The following ZER1 variants were observed in gnomAD, a reference collection of about 807,000 sequenced individuals.
ZER1 encodes protein zer-1 homolog.
ZER1 carries 11 observed loss-of-function variants against 78.8 expected under a neutral mutation model. That is an observed-to-expected ratio of 0.14 (90% confidence interval 0.09 to 0.23). The LOEUF is 0.23. Among genes scored for constraint, ZER1 ranks in the 10% least tolerant of loss-of-function variants. ZER1 has a pLI of 1.00. For missense variants in ZER1, 588 were observed against 996.9 expected (o/e 0.59, Z 5.52); for synonymous variants, 400 against 407.0 (o/e 0.98, Z 0.21).
chr9:128,751,345 C>T lies in ZER1; in HGVS notation c.1038+68G>A, dbSNP rs2132443198. The T allele has an allele frequency of 1.9e-6, 3 of 1,610,646 alleles. No homozygotes were observed. Among genetic ancestry groups the T allele is most frequent in the Non-Finnish European group, 2.5e-6 (3 of 1,177,344 alleles). On this transcript the variant is annotated intron_variant, in intron 6 of 15. Transcript: ENST00000291900. This position sits in a 1 kb window ranked among gnomAD's most constrained non-coding sequence, Gnocchi z 5.4. The stretch of plus-strand genomic sequence containing the variant: ...GCCAGATCCCAGCTCAGTCTCCAGC[C>T]CCAGAATCCAGCTCCTTCTCTCTCC...
At chr9:128,762,078 T>C (rs1468136067) in intron 1 of ZER1, among the ~76,000 whole-genome samples, 1 of 152,072 alleles carries the variant, frequency 6.6e-6, no homozygotes, top group Admixed American at 6.6e-5. Context: ...CACAAATTTG[T>C]AAACTTTCTT....
Position 128,740,995 on chromosome 9 carries a change from AAG to A in ZER1, c.1738-110_1738-109del, listed in dbSNP as rs764464411. The stretch of plus-strand genomic sequence containing the variant: ...GGCATCTGGCCATGCCAACTAGACA[AAG>A]AGGGGGCATATATGCTGCCCTCCTA... On this transcript the variant is annotated intron_variant, in intron 11 of 15. Coordinates refer to ENST00000291900, the MANE Select transcript of ZER1 (RefSeq NM_006336.4). This position sits in a 1 kb window ranked among gnomAD's most constrained non-coding sequence, Gnocchi z 4.4. The A allele has an allele frequency of 3.4e-4, 233 of 685,126 alleles. No homozygotes were observed. Among genetic ancestry groups the A allele is most frequent in the Non-Finnish European group, 5.7e-4 (210 of 370,962 alleles). The allele number at this position is 685,126 out of a possible 1,614,324, so 42.4% of individuals were successfully genotyped here.
rs759964311 is a variant in ZER1, at chr9:128,751,443, C to G, written c.1008G>C (p.Leu336=). The change falls in exon 6 of 16, where the codon CTG becomes CTC. Residue 336 remains leucine, a synonymous_variant. Coordinates refer to ENST00000291900, the MANE Select transcript of ZER1 (RefSeq NM_006336.4). This position sits in a 1 kb window ranked among gnomAD's most constrained non-coding sequence, Gnocchi z 5.4. The part of the protein sequence containing the change: ...LQFLGLFENS[L]CRLTHIPAYK... The stretch of plus-strand genomic sequence containing the variant: ...AGGCTGGAATGTGCGTGAGGCGGCA[C>G]AGAGAGTTCTCAAAGAGCCCGAGGA... 2 of 1,614,144 alleles carry G rather than the reference C, an allele frequency of 1.2e-6. No homozygotes were observed. Among genetic ancestry groups the G allele is most frequent in the Admixed American group, 1.7e-5 (1 of 60,022 alleles).
intron 1 of ZER1, among the ~76,000 whole-genome samples, chr9:128,761,177 G>C (rs995812141): frequency 1.3e-5 from 2 of 151,420 alleles, no homozygotes; most frequent in African/African-American, 2.4e-5. Flanking sequence ...AAAAAAGGGA[G>C]GGGGGGATAA....
Position 128,751,629 on chromosome 9 carries a change from C to T in ZER1, c.924-102G>A. On this transcript the variant is annotated intron_variant, in intron 5 of 15. Transcript: ENST00000291900. This position sits in a 1 kb window ranked among gnomAD's most constrained non-coding sequence, Gnocchi z 5.4. ...CATTTCCTTGCTTTCTCTTCTAGGC[C>T]CTCCAACCTCATCCCCTACTCCTTT... The T allele has an allele frequency of 1.1e-6, 1 of 894,248 alleles. No homozygotes were observed. The highest frequency in any genetic ancestry group is 1.8e-6 in the Non-Finnish European group (1 of 564,738). 55.4% of individuals were successfully genotyped at this position (894,248 alleles called of 1,614,324 possible).
intron 1 of ZER1, among the ~76,000 whole-genome samples, chr9:128,768,646 C>A (rs1049476101): frequency 3.0e-4 from 46 of 152,286 alleles, no homozygotes; most frequent in African/African-American, 1.1e-3. Flanking sequence ...TTTTCAAATT[C>A]TCTGGCCCAG....
chr9:128,750,665 T>C lies in ZER1; in HGVS notation c.1310A>G (p.Gln437Arg), dbSNP rs373713229. 6 of 1,614,100 alleles carry C rather than the reference T, an allele frequency of 3.7e-6. No homozygotes were observed. The highest frequency in any genetic ancestry group is 4.2e-6 in the Non-Finnish European group (5 of 1,180,034). Residue 437 changes from glutamine to arginine, a missense_variant, in exon 8 of 16, where the codon CAG (glutamine) becomes CGG (arginine). By Grantham distance (43) the Gln-to-Arg change is conservative. Transcript: ENST00000291900. ...RSEQSVKLRRQVIQVVLNGME... is the reference protein window; with the variant it reads ...RSEQSVKLRRRVIQVVLNGME... ...GCCATTCAGCACCACCTGGATAACC[T>C]GCCGGCGCAGCTTCACACTCTGCTC...
At chr9:128,759,712 G>A (rs1480863914) in intron 1 of ZER1, among the ~76,000 whole-genome samples, 1 of 151,878 alleles carries the variant, frequency 6.6e-6, no homozygotes, top group African/African-American at 2.4e-5. Context: ...GGAGAATGGC[G>A]TGAACCCAGG....
Position 128,754,540 on chromosome 9 carries a change from A to T in ZER1, c.159-581T>A, listed in dbSNP as rs1863794752. Among the ~76,000 whole-genome samples the T allele has an allele frequency of 6.6e-6, 1 of 152,192 alleles. No individual in the cohort carries two copies. The highest frequency in any genetic ancestry group is 1.5e-5 in the Non-Finnish European group (1 of 68,034). On this transcript the variant is annotated intron_variant, in intron 2 of 15. Transcript: ENST00000291900. This position sits in a 1 kb window ranked among gnomAD's most constrained non-coding sequence, Gnocchi z 4.3. ...CAGTTTCTTCATCTGTAAAGTGGAT[A>T]TAACTATGGCCTGCAAAGTGTCCAA... is the stretch of plus-strand genomic sequence containing the variant.
intron 8 of ZER1, among the ~76,000 whole-genome samples, chr9:128,744,483 C>CTTTT (rs745822457): frequency 1.5e-5 from 2 of 135,448 alleles, no homozygotes; most frequent in African/African-American, 5.4e-5. Context: ...CGTGCAGGGC[C>CTTTT]TTTTTTTTTT....
rs1863660977 is a variant in ZER1, at chr9:128,751,084, G to A, written c.1185+38C>T. 2 of 1,554,042 alleles carry A rather than the reference G, an allele frequency of 1.3e-6. No homozygotes were observed. The stretch of plus-strand genomic sequence containing the variant: ...CCAAGCCCGGCAACCTCCAGGTGGG[G>A]AGGGACAGGAGGCCAAGGCCCCAGG... On this transcript the variant is annotated intron_variant, in intron 7 of 15. Coordinates refer to ENST00000291900, the MANE Select transcript of ZER1 (RefSeq NM_006336.4). The surrounding 1 kb of genome is among the most constrained non-coding windows in gnomAD (Gnocchi z 5.4).
In ZER1 at chr9:128,745,199, G is replaced by GTTT. The variant is rs570009551; in HGVS notation, c.1360-2457_1360-2455dup. Among the ~76,000 whole-genome samples the GTTT allele has an allele frequency of 6.6e-4, 85 of 128,488 alleles. 1 individual carries two copies. The highest frequency in any genetic ancestry group is 2.1e-3 in the African/African-American group (70 of 32,944). 84.3% of individuals were successfully genotyped at this position (128,488 alleles called of 152,430 possible). ...TTTATTTGCTTATTGATTTGTTTGG[G>GTTT]TTTTTTTTTTTTTTTTTTTGAGACA... On this transcript the variant is annotated intron_variant, in intron 8 of 15. Transcript: ENST00000291900.
chr9:128,737,303 G>A (rs542380508), intron 13 of ZER1, among the ~76,000 whole-genome samples: 46 of 152,166 alleles, frequency 3.0e-4, no homozygotes, highest in Admixed American at 4.6e-4. Context: ...CTCTTCTGAC[G>A]AGGGCCTTCT....
At chr9:128,758,121 G>GT (rs1166926419) in intron 1 of ZER1, among the ~76,000 whole-genome samples, 5,499 of 137,406 alleles carry the variant, frequency 0.04, 109 homozygotes, top group Non-Finnish European at 0.054. Flanking sequence ...TTTAGTTTAG[G>GT]TTTTTTTTTT....
chr9:128,741,687 C>T, intron 10 of ZER1, 33 bp from the exon 11 acceptor site: 2 of 1,614,048 alleles, frequency 1.2e-6, no homozygotes, highest in Non-Finnish European at 1.7e-6. Context: ...AGCCAAGGCT[C>T]CTGGTACCCG....
intron 1 of ZER1, among the ~76,000 whole-genome samples, chr9:128,757,651 A>G (rs1863900595): frequency 6.6e-6 from 1 of 152,186 alleles, no homozygotes; most frequent in African/African-American, 2.4e-5. Context: ...CCACAATGAG[A>G]TGCCATTTTC....
chr9:128,755,314 T>C lies in ZER1; in HGVS notation c.158+94A>G. ...ACACACCCTCACACATTCATCTCCATAGCTACTCCCCACATAGTGCACACA... is the reference window on the plus strand; with the variant it reads ...ACACACCCTCACACATTCATCTCCACAGCTACTCCCCACATAGTGCACACA... On this transcript the variant is annotated intron_variant, in intron 2 of 15. Transcript: ENST00000291900. The surrounding 1 kb of genome is among the most constrained non-coding windows in gnomAD (Gnocchi z 5.6). The C allele has an allele frequency of 1.3e-6, 2 of 1,533,812 alleles. No individual in the cohort carries two copies. The highest frequency in any genetic ancestry group is 2.3e-5 in the East Asian group (1 of 43,962).
rs566416272 is a variant in ZER1 at position 128,758,315 on chromosome 9, C to T, written c.-94-2656G>A. ...TTGTATTTTTTTCTTTTAGTAGAGACAGGGTTATCCATGTTGGCCAGGCTG... is the reference window on the plus strand; with the variant it reads ...TTGTATTTTTTTCTTTTAGTAGAGATAGGGTTATCCATGTTGGCCAGGCTG... On this transcript the variant is annotated intron_variant, in intron 1 of 15. Coordinates refer to ENST00000291900, the MANE Select transcript of ZER1 (RefSeq NM_006336.4). 3.3e-5 allele frequency among the ~76,000 whole-genome samples: 5 copies of T among 152,082 alleles called. No individual in the cohort carries two copies. The South Asian group carries it at 8.3e-4, about 25-fold the overall frequency.
In ZER1 at chr9:128,754,072, T is replaced by G. The variant is rs1863780138; in HGVS notation, c.159-113A>C. 1 of 1,315,082 alleles carries G rather than the reference T, an allele frequency of 7.6e-7. No homozygotes were observed. The highest frequency in any genetic ancestry group is 2.4e-5 in the Admixed American group (1 of 41,422). The allele number at this position is 1,315,082 out of a possible 1,614,324, so 81.5% of individuals were successfully genotyped here. A position where few individuals can be genotyped will look rare whatever the true frequency, so the allele number is the denominator to read the frequency against. On this transcript the variant is annotated intron_variant, in intron 2 of 15. Coordinates refer to ENST00000291900, the MANE Select transcript of ZER1 (RefSeq NM_006336.4). This position sits in a 1 kb window ranked among gnomAD's most constrained non-coding sequence, Gnocchi z 4.3. ...TCTTGGATCACCCCAAGTAGCAACC[T>G]CCTTCTCCTAAGAGTATCTGGTCAG...
Sources: allele counts gnomAD v4.1 joint callset (sites outside exome capture counted in the v4.1 genomes callset), GRCh38; gene constraint gnomAD v4.1.1; non-coding constraint Gnocchi (gnomAD v3.1); transcripts MANE v1.5; gene names NCBI Gene and HGNC (gene_info 2026-07-23, HGNC 2026-07-21).